SULT1C4: variants seen among roughly 807,000 people sequenced by gnomAD.
The protein encoded by SULT1C4 is sulfotransferase 1C4.
In SULT1C4, 32 loss-of-function variants were observed where a neutral mutation model predicts 34.8. The observed-to-expected ratio is 0.92, with a 90% CI of 0.69 to 1.23. The LOEUF (loss-of-function observed/expected upper bound fraction) is 1.23, where lower values mean the gene tolerates loss of function less well. Among genes scored for constraint, SULT1C4 ranks in the 50% most tolerant of loss-of-function variants. The pLI, the probability that SULT1C4 is intolerant of heterozygous loss-of-function variation, is 0.00. For synonymous variants in SULT1C4, 111 were observed against 120.5 expected (o/e 0.92, Z 0.51); for missense variants, 375 against 365.9 (o/e 1.02, Z -0.20).
intron 5 of SULT1C4, 31 bp from the exon 6 acceptor site, chr2:108,386,161 A>G (rs759191585): frequency 2.3e-5 from 32 of 1,408,558 alleles, no homozygotes; most frequent in Non-Finnish European, 2.9e-5. Flanking sequence ...ATTCTATTAA[A>G]TCATTACTTT....
chr2:108,382,438 C>T lies in SULT1C4; in HGVS notation c.349C>T (p.Pro117Ser). ...PSPRILKTHL[P>S]FHLLPPSLLE... is the part of the protein sequence containing the mutation. Reference sequence around the variant, plus strand: ...ACCACGGATCCTGAAAACACATCTTCCCTTTCACTTGCTGCCACCATCCTT... The same window carrying T: ...ACCACGGATCCTGAAAACACATCTTTCCTTTCACTTGCTGCCACCATCCTT... Residue 117 changes from proline to serine, a missense_variant, in exon 3 of 7, where the codon CCC becomes TCC. Coordinates refer to ENST00000272452, the MANE Select transcript of SULT1C4 (RefSeq NM_006588.4). 1 of 1,614,094 alleles carries T rather than the reference C, an allele frequency of 6.2e-7. No homozygotes were observed. The highest frequency in any genetic ancestry group is 2.2e-5 in the East Asian group (1 of 44,882).
Position 108,378,333 on chromosome 2 carries a change from C to T in SULT1C4, c.-5C>T. ...TCTGGAAGAGCCCTCTGATTTCTTA[C>T]ACTAATGGCCTTACACGACATGGAG... On this transcript the variant is annotated 5_prime_UTR_variant, in exon 1 of 7. Transcript: ENST00000272452. 1 of 1,611,402 alleles carries T rather than the reference C, an allele frequency of 6.2e-7. No homozygotes were observed. Among genetic ancestry groups the T allele is most frequent in the Non-Finnish European group, 8.5e-7 (1 of 1,178,694 alleles).
chr2:108,385,854 G>A (rs570209381), intron 5 of SULT1C4, among the ~76,000 whole-genome samples: 1 of 152,292 alleles, frequency 6.6e-6, no homozygotes, highest in East Asian at 1.9e-4. Flanking sequence ...TTCTGCCCCT[G>A]TGCTTCTGAA....
At chr2:108,386,065 C>A (rs1268722463) in intron 5 of SULT1C4, 127 bp from the exon 6 acceptor site, 1 of 711,230 alleles carries the variant, frequency 1.4e-6, no homozygotes, top group Non-Finnish European at 2.0e-6. Flanking sequence ...GTCACTTGAG[C>A]ATTTGTTAAG....
At chr2:108,382,979 C>A in intron 3 of SULT1C4, 114 bp from the exon 4 acceptor site, 5 of 862,706 alleles carry the variant, frequency 5.8e-6, no homozygotes, top group Non-Finnish European at 4.5e-6. Context: ...AAAAAATGAA[C>A]TGTATGAAAT....
chr2:108,382,284 T>G (rs879748919), intron 2 of SULT1C4, 101 bp from the exon 3 acceptor site: 3 of 914,164 alleles, frequency 3.3e-6, no homozygotes, highest in Admixed American at 1.8e-5. Context: ...AATGTTCTTA[T>G]AGATGCTTTG....
chr2:108,381,917 G>T, intron 2 of SULT1C4, 30 bp downstream of exon 2: 4 of 1,440,810 alleles, frequency 2.8e-6, no homozygotes, highest in Non-Finnish European at 3.6e-6. Context: ...CTTCACTACA[G>T]TCCTAAAATG....
Position 108,378,392 on chromosome 2 carries a change from G to A in SULT1C4, c.55G>A (p.Val19Ile). The A allele has an allele frequency of 6.2e-7, 1 of 1,614,208 alleles. No homozygotes were observed. The highest frequency in any genetic ancestry group is 8.5e-7 in the Non-Finnish European group (1 of 1,180,024). Reference sequence around the variant, plus strand: ...ATTTGATGGAACAAAGCGCTTAAGTGTCAACTACGTGAAGGGAATTCTTCA... The same window carrying A: ...ATTTGATGGAACAAAGCGCTTAAGTATCAACTACGTGAAGGGAATTCTTCA... ...FTFDGTKRLS[V>I]NYVKGILQPT... Residue 19 changes from valine to isoleucine, a missense_variant, in exon 1 of 7, where the codon GTC (valine) becomes ATC (isoleucine). By Grantham distance (29) the Val-to-Ile change is conservative. Transcript: ENST00000272452.
chr2:108,381,866 A>G lies in SULT1C4; in HGVS notation c.274A>G (p.Lys92Glu), dbSNP rs750644774. Reference sequence around the variant, plus strand: ...TCAACGATTTCCTTTCCTCGAAATGAAAATCCCATCCTTAGGATCTGGTGA... The same window carrying G: ...TCAACGATTTCCTTTCCTCGAAATGGAAATCCCATCCTTAGGATCTGGTGA... ...THQRFPFLEMKIPSLGSGLEQ... is the reference protein window; with the variant it reads ...THQRFPFLEMEIPSLGSGLEQ... Residue 92 changes from lysine to glutamate, a missense_variant, in exon 2 of 7, where the codon AAA (lysine) becomes GAA (glutamate). Transcript: ENST00000272452. 2.0e-6 allele frequency: 3 copies of G among 1,493,578 alleles called. No individual in the cohort carries two copies. The Admixed American group carries it at 7.6e-5, about 38-fold the overall frequency. The allele number at this position is 1,493,578 out of a possible 1,614,324, so 92.5% of individuals were successfully genotyped here.
intron 1 of SULT1C4, 129 bp from the exon 2 acceptor site, chr2:108,381,633 C>A: frequency 2.8e-6 from 3 of 1,067,122 alleles, no homozygotes; most frequent in Non-Finnish European, 3.6e-6. Context: ...CAGAGCAAGA[C>A]CCTGTCTCAA....
In SULT1C4 at chr2:108,383,442, G is replaced by A. The variant is rs182424713; in HGVS notation, c.547G>A (p.Val183Met). Residue 183 changes from valine to methionine, a missense_variant, in exon 5 of 7, where the codon GTG (valine) becomes ATG (methionine). Val to Met is a conservative substitution (Grantham distance 21). Transcript: ENST00000272452. ...GTGCTGGGGCTCCTGGCATGAACAT[G>A]TGAAAGGATGGTGGGAAGCCAAAGA... ...KVCWGSWHEH[V>M]KGWWEAKDKH... is the part of the protein sequence containing the mutation. The A allele has an allele frequency of 4.2e-5, 68 of 1,614,180 alleles. No homozygotes were observed. In the East Asian group the frequency reaches 1.4e-3, roughly 33 times the overall value.
In SULT1C4 at chr2:108,381,834, C is replaced by A; in HGVS notation, c.242C>A (p.Pro81Gln). The change falls in exon 2 of 7, where the codon CCG becomes CAG. Residue 81 changes from proline to glutamine, a missense_variant. Physicochemically the swap from Pro to Gln is moderately conservative, Grantham distance 76. Coordinates refer to ENST00000272452, the MANE Select transcript of SULT1C4 (RefSeq NM_006588.4). ...EGDVEKSKRAPTHQRFPFLEM... is the reference protein window; with the variant it reads ...EGDVEKSKRAQTHQRFPFLEM... ...GATGTGGAGAAAAGTAAACGGGCACCGACTCATCAACGATTTCCTTTCCTC... is the reference window on the plus strand; with the variant it reads ...GATGTGGAGAAAAGTAAACGGGCACAGACTCATCAACGATTTCCTTTCCTC... 2.0e-6 allele frequency: 3 copies of A among 1,502,512 alleles called. No homozygotes were observed. The highest frequency in any genetic ancestry group is 2.7e-6 in the Non-Finnish European group (3 of 1,130,952). 93.1% of individuals were successfully genotyped at this position (1,502,512 alleles called of 1,614,324 possible).
intron 2 of SULT1C4, 174 bp downstream of exon 2, chr2:108,382,061 T>A (rs1193626690): frequency 7.1e-6 from 5 of 707,630 alleles, no homozygotes; most frequent in African/African-American, 1.9e-5. Context: ...CTAATGGAAT[T>A]ACTGTTTGTA....
chr2:108,383,468 C>CAA lies in SULT1C4; in HGVS notation c.575_576dup (p.His193AsnfsTer12), dbSNP rs1158297396. The CAA allele has an allele frequency of 7.4e-6, 12 of 1,614,080 alleles. No homozygotes were observed. In the Admixed American group the frequency reaches 1.3e-4, roughly 18 times the overall value. On this transcript the variant is annotated frameshift_variant, in exon 5 of 7. Transcript: ENST00000272452. LOFTEE classifies it high-confidence loss of function. ...TGAAAGGATGGTGGGAAGCCAAAGACAAACACCGTATTCTCTATCTCTTCT... is the reference window on the plus strand; with the variant it reads ...TGAAAGGATGGTGGGAAGCCAAAGACAAAAACACCGTATTCTCTATCTCTTCT...
chr2:108,378,863 G>C (rs1267433425), intron 1 of SULT1C4, among the ~76,000 whole-genome samples: 1 of 151,820 alleles, frequency 6.6e-6, no homozygotes, highest in Non-Finnish European at 1.5e-5. Context: ...GTGTGAGCTA[G>C]AAAGGTGATC....
rs775049384 is a variant in SULT1C4 at position 108,382,484 on chromosome 2, T to G, written c.393+2T>G. 1 of 1,613,510 alleles carries G rather than the reference T, an allele frequency of 6.2e-7. No homozygotes were observed. Among genetic ancestry groups the G allele is most frequent in the South Asian group, 1.1e-5 (1 of 91,066 alleles). ...TCCTTGCTAGAGAAAAACTGTAAGGTAAAAAAGCAAAAGGAATTCAGAGTT... is the reference window on the plus strand; with the variant it reads ...TCCTTGCTAGAGAAAAACTGTAAGGGAAAAAAGCAAAAGGAATTCAGAGTT... On this transcript the variant is annotated splice_donor_variant, in intron 3 of 6. Coordinates refer to ENST00000272452, the MANE Select transcript of SULT1C4 (RefSeq NM_006588.4). LOFTEE classifies it high-confidence loss of function.
At chr2:108,382,217 A>C (rs779541646) in intron 2 of SULT1C4, 168 bp from the exon 3 acceptor site, 2 of 666,714 alleles carry the variant, frequency 3.0e-6, no homozygotes, top group Non-Finnish European at 5.3e-6. Flanking sequence ...GAATTGTTCT[A>C]GTCAAAACAT....
intron 5 of SULT1C4, among the ~76,000 whole-genome samples, chr2:108,384,388 G>A (rs1394753867): frequency 3.9e-5 from 6 of 151,998 alleles, no homozygotes; most frequent in Non-Finnish European, 8.8e-5. Context: ...CCGCCAGCAC[G>A]CCCGGCTAAT....
chr2:108,386,144 T>A, intron 5 of SULT1C4, 48 bp from the exon 6 acceptor site: 2 of 1,327,372 alleles, frequency 1.5e-6, no homozygotes, highest in Non-Finnish European at 2.0e-6. Flanking sequence ...ATATTCTTTT[T>A]AAACTAATTC....
Sources: allele counts gnomAD v4.1 joint callset (sites outside exome capture counted in the v4.1 genomes callset), GRCh38; gene constraint gnomAD v4.1.1; transcripts MANE v1.5; gene names NCBI Gene and HGNC (gene_info 2026-07-23, HGNC 2026-07-21).